Variants in HEPACAM2 observed in about 807,000 individuals in gnomAD.
HEPACAM2 encodes mitotic kinetics regulator.
A neutral mutation model predicts 49.6 loss-of-function variants in HEPACAM2; 49 were observed. That is an observed-to-expected ratio of 0.99 (90% CI 0.78 to 1.25). The LOEUF (loss-of-function observed/expected upper bound fraction) is 1.25. Among genes scored for constraint, HEPACAM2 ranks in the 50% most tolerant of loss-of-function variants. The pLI is 0.00. For missense variants in HEPACAM2, 525 were observed against 557.2 expected (o/e 0.94, Z 0.58); for synonymous variants, 197 against 202.9 (o/e 0.97, Z 0.25).
chr7:93,202,032 C>CAAAAAAA (rs71998232), intron 4 of HEPACAM2, among the ~76,000 whole-genome samples: 3 of 102,008 alleles, frequency 2.9e-5, no homozygotes, highest in East Asian at 2.8e-4. Context: ...AAAAAAAAAC[C>CAAAAAAA]AAAAAAAAAA....
In HEPACAM2 at chr7:93,208,775, C is replaced by A. The variant is rs1292751354; in HGVS notation, c.817G>T (p.Asp273Tyr). 2 of 1,613,116 alleles carry A rather than the reference C, an allele frequency of 1.2e-6. No homozygotes were observed. The highest frequency in any genetic ancestry group is 1.7e-6 in the Non-Finnish European group (2 of 1,179,402). Reference sequence around the variant, plus strand: ...GAGTAGGTGTTGGGGGGATGAGAATCAGCAGAACAATCAAATAGGATGGCC... The same window carrying A: ...GAGTAGGTGTTGGGGGGATGAGAATAAGCAGAACAATCAAATAGGATGGCC... ...GEAILFDCSA[D>Y]SHPPNTYSWI... The change falls in exon 4 of 10, where the codon GAT (aspartate) becomes TAT (tyrosine). Residue 273 changes from aspartate to tyrosine, a missense_variant. Transcript: ENST00000394468.
intron 8 of HEPACAM2, 120 bp downstream of exon 8, chr7:93,195,708 A>G: frequency 1.3e-6 from 1 of 746,030 alleles, no homozygotes; most frequent in Admixed American, 2.2e-5. Flanking sequence ...ACACTGCTTA[A>G]TGCAGTAATG....
rs776819387 is a variant in HEPACAM2, at chr7:93,219,156, G to T, written c.375C>A (p.Asn125Lys). Residue 125 changes from asparagine to lysine, a missense_variant, in exon 2 of 10, where the codon AAC becomes AAA. Asn to Lys is a moderately conservative substitution (Grantham distance 94, BLOSUM62 0). Transcript: ENST00000394468. ...CAGATAGAGTTCCATTTCCCTGAAT[G>T]TTGACCTTCACGATGTAATTGCCTT... ...PDEGNYIVKV[N>K]IQGNGTLSAS... is the part of the protein sequence containing the mutation. 6.2e-7 allele frequency: 1 copy of T among 1,613,940 alleles called. No homozygotes were observed. The highest frequency in any genetic ancestry group is 8.5e-7 in the Non-Finnish European group (1 of 1,179,908).
intron 3 of HEPACAM2, among the ~76,000 whole-genome samples, chr7:93,213,583 A>G (rs925953955): frequency 6.6e-6 from 1 of 152,110 alleles, no homozygotes; most frequent in Non-Finnish European, 1.5e-5. Flanking sequence ...GATATGAAGA[A>G]AGATAATCTG....
chr7:93,223,032 T>C (rs1358798495), intron 1 of HEPACAM2, among the ~76,000 whole-genome samples: 2 of 152,204 alleles, frequency 1.3e-5, no homozygotes, highest in African/African-American at 4.8e-5. Flanking sequence ...AAAAGCTGCA[T>C]GGCTGCTAAT....
At chr7:93,215,770 C>G in intron 2 of HEPACAM2, 85 bp from the exon 3 acceptor site, 1 of 1,308,148 alleles carries the variant, frequency 7.6e-7, no homozygotes, top group East Asian at 2.4e-5. Context: ...ATATGAACTC[C>G]TGGAGAAATT....
intron 1 of HEPACAM2, among the ~76,000 whole-genome samples, chr7:93,225,727 A>G (rs1194824684): frequency 2.0e-5 from 3 of 152,188 alleles, no homozygotes; most frequent in Non-Finnish European, 4.4e-5. Context: ...CAAAAGATAA[A>G]GAGGAGAATG....
intron 2 of HEPACAM2, among the ~76,000 whole-genome samples, chr7:93,218,528 A>T (rs1794367704): frequency 6.7e-6 from 1 of 149,898 alleles, no homozygotes; most frequent in Non-Finnish European, 1.5e-5. Context: ...ACTGTCAAAT[A>T]AACAGGTGTA....
At chr7:93,205,073 C>T (rs1308834049) in intron 4 of HEPACAM2, among the ~76,000 whole-genome samples, 1 of 149,642 alleles carries the variant, frequency 6.7e-6, no homozygotes, top group Non-Finnish European at 1.5e-5. Flanking sequence ...GCACTTTGGC[C>T]TGAGCAACAA....
chr7:93,189,739 C>A (rs1047659162), intron 9 of HEPACAM2, among the ~76,000 whole-genome samples: 3 of 151,804 alleles, frequency 2.0e-5, no homozygotes, highest in Non-Finnish European at 2.9e-5. Context: ...GTCTAAGAGC[C>A]AAAGAATAAA....
chr7:93,228,321 T>TCATATG (rs1480929152), upstream of HEPACAM2, among the ~76,000 whole-genome samples: 1 of 152,228 alleles, frequency 6.6e-6, no homozygotes. Flanking sequence ...AAAAAATAAA[T>TCATATG]GCCATATGAA....
At chr7:93,195,931 AC>A (rs1315669292) in intron 7 of HEPACAM2, 30 bp from the exon 8 acceptor site, 1 of 1,495,688 alleles carries the variant, frequency 6.7e-7, no homozygotes, top group African/African-American at 1.4e-5. Context: ...CTGCTTACAA[AC>A]CGAATGCCTT....
At chr7:93,231,385 G>A (rs1794625169), upstream of HEPACAM2, among the ~76,000 whole-genome samples, 1 of 152,144 alleles carries the variant, frequency 6.6e-6, no homozygotes, top group South Asian at 2.1e-4. Flanking sequence ...TAATCCTTCA[G>A]TTTCTACTTG....
At chr7:93,193,889 T>C (rs942450067) in intron 8 of HEPACAM2, among the ~76,000 whole-genome samples, 1 of 152,278 alleles carries the variant, frequency 6.6e-6, no homozygotes, top group African/African-American at 2.4e-5. Flanking sequence ...TAGCTACGTA[T>C]ACATAGCTGC....
At chr7:93,212,558 A>G (rs1453691405) in intron 3 of HEPACAM2, among the ~76,000 whole-genome samples, 1 of 152,038 alleles carries the variant, frequency 6.6e-6, no homozygotes, top group African/African-American at 2.4e-5. Context: ...CACAAAGATG[A>G]AAAGAAAGTC....
At chr7:93,215,371 A>T in intron 3 of HEPACAM2, 30 bp downstream of exon 3, 2 of 1,592,064 alleles carry the variant, frequency 1.3e-6, no homozygotes, top group South Asian at 2.2e-5. Flanking sequence ...AACAAAAAAC[A>T]ACTCATGAGT....
intron 1 of HEPACAM2, among the ~76,000 whole-genome samples, chr7:93,220,376 G>C (rs1242472878): frequency 6.6e-6 from 1 of 152,142 alleles, no homozygotes; most frequent in African/African-American, 2.4e-5. Context: ...AGACGTTTTG[G>C]AAAAAGGCTG....
At chr7:93,194,603 T>C (rs1355266036) in intron 8 of HEPACAM2, among the ~76,000 whole-genome samples, 1 of 152,074 alleles carries the variant, frequency 6.6e-6, no homozygotes, top group Non-Finnish European at 1.5e-5. Context: ...TCCCTCTCCA[T>C]TACTCACATG....
intron 7 of HEPACAM2, 34 bp from the exon 8 acceptor site, chr7:93,195,935 A>G: frequency 6.8e-7 from 1 of 1,478,614 alleles, no homozygotes; most frequent in Non-Finnish European, 9.4e-7. Flanking sequence ...TTACAAACCG[A>G]ATGCCTTGAT....
Sources: gnomAD v4.1 joint callset for allele counts (sites outside exome capture counted in the v4.1 genomes callset) on GRCh38, gnomAD v4.1.1 for gene constraint, MANE v1.5 for transcripts, NCBI Gene and HGNC (gene_info 2026-07-23, HGNC 2026-07-21) for gene names.